Variants in IGF1R observed in about 807,000 individuals in gnomAD.
IGF1R encodes the protein insulin like growth factor 1 receptor.
Under a neutral mutation model 144.6 loss-of-function variants are expected in IGF1R, and 44 were observed. The ratio of observed to expected loss-of-function variants is 0.30; its 90% CI spans 0.24 to 0.39. The LOEUF is 0.39. Ranked by LOEUF, IGF1R falls within the 10% of genes least tolerant of loss-of-function variation. The pLI is 1.00. For synonymous variants in IGF1R, 795 were observed against 722.8 expected, an observed-to-expected ratio of 1.10 and a Z score of -1.60; for missense variants, 1,355 against 1,833.7, an observed-to-expected ratio of 0.74 and a Z score of 4.77.
At chr15:98,769,762 G>A (rs1023557963) in intron 2 of IGF1R, among the ~76,000 whole-genome samples, 2 of 152,186 alleles carry the variant, frequency 1.3e-5, no homozygotes, top group Non-Finnish European at 2.9e-5. Flanking sequence ...CATTTTGCCT[G>A]GGAATTTGTC....
rs1196112038 is a variant in IGF1R at position 98,891,710 on chromosome 15, C to G, written c.953+73C>G. 6.1e-6 allele frequency: 9 copies of G among 1,467,412 alleles called. No homozygotes were observed. The African/African-American group carries it at 9.7e-5, about 16-fold the overall frequency. 90.9% of individuals were successfully genotyped at this position (1,467,412 alleles called of 1,614,324 possible). A position where few individuals can be genotyped will look rare whatever the true frequency, so the allele number is the denominator to read the frequency against. On this transcript the variant is annotated intron_variant, in intron 3 of 20. Transcript: ENST00000650285. The surrounding 1 kb of genome is among the most constrained non-coding windows in gnomAD (Gnocchi z 4.7). ...CCACCCTAGCACACAAAGGTAGACT[C>G]TGTCGGTTGTTTCATCCGGGTGCAG...
intron 2 of IGF1R, among the ~76,000 whole-genome samples, chr15:98,886,159 A>C (rs1243996718): frequency 2.6e-5 from 4 of 152,138 alleles, no homozygotes; most frequent in Non-Finnish European, 5.9e-5. Context: ...ACTAATGATT[A>C]TTTAAAAAAA....
intron 15 of IGF1R, 35 bp from the exon 16 acceptor site, chr15:98,934,789 T>C: frequency 1.3e-6 from 2 of 1,582,472 alleles, no homozygotes; most frequent in Non-Finnish European, 1.7e-6. Flanking sequence ...AAGGGCTTGT[T>C]TCTGTACCTG....
chr15:98,743,749 G>A (rs1226334498), intron 2 of IGF1R, among the ~76,000 whole-genome samples: 1 of 152,182 alleles, frequency 6.6e-6, no homozygotes, highest in East Asian at 1.9e-4. Flanking sequence ...TGGCCACAGT[G>A]TAAAGAATAG....
At chr15:98,693,244 G>C (rs1285266201) in intron 1 of IGF1R, among the ~76,000 whole-genome samples, 1 of 152,258 alleles carries the variant, frequency 6.6e-6, no homozygotes, top group East Asian at 1.9e-4. Flanking sequence ...GGCAGGCATA[G>C]AGGTGATGTT....
intron 1 of IGF1R, 61 bp downstream of exon 1, chr15:98,649,736 C>T: frequency 1.5e-6 from 2 of 1,328,230 alleles, no homozygotes; most frequent in Admixed American, 1.8e-5. Flanking sequence ...GGGCTGCGCC[C>T]TGTTTGCGAA....
At chr15:98,934,739 T>C in intron 15 of IGF1R, 85 bp from the exon 16 acceptor site, 7 of 1,122,838 alleles carry the variant, frequency 6.2e-6, no homozygotes, top group Middle Eastern at 1.9e-4. Flanking sequence ...CAGCATCTTA[T>C]ATTCTTTGGC....
At chr15:98,689,234 C>CTTTTT (rs890361771) in intron 1 of IGF1R, among the ~76,000 whole-genome samples, 19 of 100,932 alleles carry the variant, frequency 1.9e-4, no homozygotes, top group Non-Finnish European at 2.7e-4. Flanking sequence ...AGTTGCACTA[C>CTTTTT]TTTTTTTTTT....
chr15:98,691,765 ATTG>A (rs1422550827), intron 1 of IGF1R, among the ~76,000 whole-genome samples: 44 of 152,156 alleles, frequency 2.9e-4, no homozygotes, highest in Admixed American at 2.7e-3. Flanking sequence ...ACCTATCACC[ATTG>A]TTGTTAACCT....
intron 2 of IGF1R, among the ~76,000 whole-genome samples, chr15:98,779,529 T>A (rs1330674023): frequency 6.6e-6 from 1 of 152,232 alleles, no homozygotes; most frequent in Non-Finnish European, 1.5e-5. Flanking sequence ...TAAAACAAGT[T>A]GCTCAGGTTA....
chr15:98,822,405 T>C (rs1007924392), intron 2 of IGF1R, among the ~76,000 whole-genome samples: 2 of 152,250 alleles, frequency 1.3e-5, no homozygotes, highest in African/African-American at 4.8e-5. Context: ...TTAATGTCAC[T>C]ACATTTCCTA....
At chr15:98,665,150 A>C (rs1311931015) in intron 1 of IGF1R, among the ~76,000 whole-genome samples, 1 of 152,004 alleles carries the variant, frequency 6.6e-6, no homozygotes, top group Non-Finnish European at 1.5e-5. Context: ...ATGGGGTTTC[A>C]CCGTGTTAGC....
At chr15:98,957,035 C>A (rs751248572) in intron 20 of IGF1R, 26 bp from the exon 21 acceptor site, 2 of 1,613,756 alleles carry the variant, frequency 1.2e-6, no homozygotes, top group East Asian at 2.2e-5. Context: ...CCGGTTTGGA[C>A]CCCCTCCCGT....
chr15:98,698,190 C>T (rs1029547993), intron 1 of IGF1R, among the ~76,000 whole-genome samples: 3 of 151,800 alleles, frequency 2.0e-5, no homozygotes, highest in Non-Finnish European at 4.4e-5. Flanking sequence ...AGGCGCCAGG[C>T]ACCATGCCTG....
At chr15:98,917,194 T>C (rs1197699041) in intron 10 of IGF1R, among the ~76,000 whole-genome samples, 2 of 152,054 alleles carry the variant, frequency 1.3e-5, no homozygotes, top group African/African-American at 4.8e-5. Flanking sequence ...TCAAAGAGTA[T>C]TGACAGCTGC....
chr15:98,715,714 C>T (rs2054098266), intron 2 of IGF1R, among the ~76,000 whole-genome samples: 1 of 152,126 alleles, frequency 6.6e-6, no homozygotes, highest in South Asian at 2.1e-4. Flanking sequence ...CACTTAGAAA[C>T]ACGCCTCCTT....
chr15:98,734,542 C>T (rs1305015818), intron 2 of IGF1R, among the ~76,000 whole-genome samples: 1 of 152,150 alleles, frequency 6.6e-6, no homozygotes, highest in Admixed American at 6.5e-5. Flanking sequence ...AGTCACTGAC[C>T]CCGAACCTGT....
Position 98,935,745 on chromosome 15 carries a change from C to T in IGF1R, c.3297+319C>T, listed in dbSNP as rs1161718262. On this transcript the variant is annotated intron_variant, in intron 17 of 20. Coordinates refer to ENST00000650285, the MANE Select transcript of IGF1R (RefSeq NM_000875.5). This position sits in a 1 kb window ranked among gnomAD's most constrained non-coding sequence, Gnocchi z 4.2. ...CTGCCAAGCCAGGCCAGCGCCACTCCCTCCCCGAAGCTTTCCTGCCCCACT... is the reference window on the plus strand; with the variant it reads ...CTGCCAAGCCAGGCCAGCGCCACTCTCTCCCCGAAGCTTTCCTGCCCCACT... Among the ~76,000 whole-genome samples, 2 of 151,948 alleles carry T rather than the reference C, an allele frequency of 1.3e-5. No homozygotes were observed. The highest frequency in any genetic ancestry group is 2.9e-5 in the Non-Finnish European group (2 of 67,998).
At chr15:98,772,588 C>G (rs192912179) in intron 2 of IGF1R, among the ~76,000 whole-genome samples, 92 of 151,408 alleles carry the variant, frequency 6.1e-4, no homozygotes, top group Non-Finnish European at 4.4e-4. Context: ...CCTCGAACTC[C>G]TGGGCTCAAA....
Sources: gnomAD v4.1 joint callset for allele counts (sites outside exome capture counted in the v4.1 genomes callset) on GRCh38, gnomAD v4.1.1 for gene constraint, Gnocchi (gnomAD v3.1) non-coding constraint, MANE v1.5 for transcripts, NCBI Gene and HGNC (gene_info 2026-07-23, HGNC 2026-07-21) for gene names.